The following ANXA8 variants were observed in gnomAD, a reference collection of about 807,000 sequenced individuals.
ANXA8 encodes the protein VAC-beta.
Under a neutral mutation model 26.8 loss-of-function variants are expected in ANXA8, and 9 were observed. The ratio of observed to expected loss-of-function variants is 0.34; its 90% CI spans 0.20 to 0.59. The LOEUF is 0.59. ANXA8 is among the 20% of genes least tolerant of loss of function. The pLI is 0.84. For synonymous variants in ANXA8, 39 were observed against 94.8 expected (o/e 0.41, Z 3.42); for missense variants, 83 against 238.5 (o/e 0.35, Z 4.29).
chr10:47,717,843 C>CA, the ANXA8 span, among the ~76,000 whole-genome samples: 6 of 151,936 alleles, frequency 3.9e-5, no homozygotes, highest in Non-Finnish European at 7.4e-5. Context: ...ACTAAAAATA[C>CA]AAAAATTAGC....
the ANXA8 span, chr10:47,970,627 C>T: frequency 6.6e-6 from 1 of 151,398 alleles, no homozygotes; most frequent in Non-Finnish European, 1.5e-5. Flanking sequence ...AGGCATGTGA[C>T]TAATTGTAGG....
the ANXA8 span, among the ~76,000 whole-genome samples, chr10:47,607,839 T>C: frequency 0.012 from 1,151 of 98,922 alleles, no homozygotes; most frequent in Admixed American, 0.022. Context: ...TGGATGTCCT[T>C]AAGAGAATTT....
At chr10:47,735,177 G>A in the ANXA8 span, among the ~76,000 whole-genome samples, 3 of 149,308 alleles carry the variant, frequency 2.0e-5, no homozygotes, top group African/African-American at 7.5e-5. Context: ...ATGGCTCACT[G>A]TAGCCTCTAC....
chr10:47,770,049 C>A, the ANXA8 span, among the ~76,000 whole-genome samples: 3 of 148,460 alleles, frequency 2.0e-5, no homozygotes, highest in Non-Finnish European at 3.0e-5. Context: ...CTTTTTTAAA[C>A]TACCAGATCT....
the ANXA8 span, among the ~76,000 whole-genome samples, chr10:47,768,626 G>T: frequency 6.6e-6 from 1 of 151,292 alleles, no homozygotes; most frequent in Non-Finnish European, 1.5e-5. Context: ...TGTGCTCGGG[G>T]AGGGGGCTGT....
the ANXA8 span, among the ~76,000 whole-genome samples, chr10:47,579,847 C>A: frequency 1.5e-5 from 2 of 135,494 alleles, no homozygotes; most frequent in East Asian, 2.1e-4. Flanking sequence ...GTAAGAGAGT[C>A]AAATCACAAG....
chr10:47,533,225 C>T, the ANXA8 span, among the ~76,000 whole-genome samples: 3 of 98,612 alleles, frequency 3.0e-5, no homozygotes, highest in Non-Finnish European at 4.4e-5. Flanking sequence ...ACACACACAC[C>T]CCCGCAGACA....
chr10:47,937,255 T>C, the ANXA8 span, among the ~76,000 whole-genome samples: 1 of 149,544 alleles, frequency 6.7e-6, no homozygotes, highest in African/African-American at 2.4e-5. Context: ...GCAGCTGTCT[T>C]CTGATAGTTC....
chr10:47,777,617 G>A, the ANXA8 span, among the ~76,000 whole-genome samples: 6 of 152,232 alleles, frequency 3.9e-5, no homozygotes, highest in African/African-American at 1.4e-4. Context: ...GGCAGAAATT[G>A]TGAAGGTTCC....
chr10:47,655,888 T>C, the ANXA8 span, among the ~76,000 whole-genome samples: 1 of 151,788 alleles, frequency 6.6e-6, no homozygotes, highest in African/African-American at 2.4e-5. Flanking sequence ...GGCATGGTGG[T>C]GCATGCCTGT....
the ANXA8 span, among the ~76,000 whole-genome samples, chr10:47,578,169 TGC>T: frequency 1.3e-3 from 58 of 43,692 alleles, 8 homozygotes; most frequent in African/African-American, 3.9e-3. Flanking sequence ...TACAAAAATT[TGC>T]TGTGTGTGAT....
At chr10:47,985,190 A>T in the ANXA8 span, among the ~76,000 whole-genome samples, 1 of 149,960 alleles carries the variant, frequency 6.7e-6, no homozygotes, top group South Asian at 2.1e-4. Flanking sequence ...TGGCCGAGTC[A>T]AATCAGCATG....
chr10:47,669,075 C>T, the ANXA8 span, among the ~76,000 whole-genome samples: 16 of 151,830 alleles, frequency 1.1e-4, no homozygotes, highest in Admixed American at 1.0e-3. Flanking sequence ...TTAAGCCTCC[C>T]CCGCACCAAT....
the ANXA8 span, among the ~76,000 whole-genome samples, chr10:47,763,848 G>A: frequency 2.0e-5 from 3 of 151,096 alleles, no homozygotes; most frequent in Non-Finnish European, 4.4e-5. Context: ...GGACCTTCTC[G>A]TTTTACAGCC....
the ANXA8 span, among the ~76,000 whole-genome samples, chr10:47,579,957 A>G: frequency 0.013 from 1,776 of 140,486 alleles, no homozygotes; most frequent in African/African-American, 0.052. Flanking sequence ...ATTTTACAAT[A>G]ATGGAGACCT....
chr10:47,901,445 A>T, the ANXA8 span, among the ~76,000 whole-genome samples: 1 of 88,296 alleles, frequency 1.1e-5, no homozygotes, highest in East Asian at 2.5e-4. Context: ...TATTAAGAGC[A>T]GACCAATACT....
At chr10:47,576,564 A>C in the ANXA8 span, among the ~76,000 whole-genome samples, 1 of 151,090 alleles carries the variant, frequency 6.6e-6, no homozygotes, top group Admixed American at 6.6e-5. Flanking sequence ...CCTAGGCTCA[A>C]GCAATCCTCC....
At chr10:47,776,997 A>G in the ANXA8 span, among the ~76,000 whole-genome samples, 1 of 151,924 alleles carries the variant, frequency 6.6e-6, no homozygotes, top group Non-Finnish European at 1.5e-5. Context: ...CCTCTGGTTA[A>G]AAGTGTCACC....
chr10:47,763,885 C>G, the ANXA8 span, among the ~76,000 whole-genome samples: 1 of 151,770 alleles, frequency 6.6e-6, no homozygotes, highest in Non-Finnish European at 1.5e-5. Context: ...GAGTCATAGC[C>G]TGGGTCCCAC....
Sources: allele counts gnomAD v4.1 joint callset (sites outside exome capture counted in the v4.1 genomes callset), GRCh38; gene constraint gnomAD v4.1.1; transcripts MANE v1.5; gene names NCBI Gene and HGNC (gene_info 2026-07-23, HGNC 2026-07-21).